The following MPDZ variants were observed in gnomAD, a reference collection of about 807,000 sequenced individuals.
MPDZ encodes multiple PDZ domain protein.
In MPDZ, 234 loss-of-function variants were observed where a neutral mutation model predicts 239.1. That is an observed-to-expected ratio of 0.98 (90% CI 0.88 to 1.09). The LOEUF (loss-of-function observed/expected upper bound fraction) is 1.09. Among genes scored for constraint, MPDZ ranks in the 50% least tolerant of loss-of-function variants. The probability of loss-of-function intolerance (pLI) is 0.00; values close to 1 mark genes in which losing one functional copy is unlikely to be tolerated. For synonymous variants in MPDZ, 1,048 were observed against 881.3 expected, an observed-to-expected ratio of 1.19 and a Z score of -3.35; for missense variants, 3,175 against 2,510.0, an observed-to-expected ratio of 1.26 and a Z score of -5.66.
intron 24 of MPDZ, among the ~76,000 whole-genome samples, chr9:13,153,229 G>C (rs1261659286): frequency 6.6e-6 from 1 of 152,058 alleles, no homozygotes; most frequent in African/African-American, 2.4e-5. Context: ...AGACACTGAG[G>C]CACATCTTCC....
At chr9:13,273,486 T>C (rs957424631) in intron 1 of MPDZ, among the ~76,000 whole-genome samples, 5 of 152,296 alleles carry the variant, frequency 3.3e-5, no homozygotes, top group East Asian at 1.9e-4. Context: ...ATTAACAATA[T>C]AGTGAATTGG....
chr9:13,200,230 T>C (rs2135445895), intron 12 of MPDZ, among the ~76,000 whole-genome samples: 1 of 152,108 alleles, frequency 6.6e-6, no homozygotes, highest in Middle Eastern at 3.4e-3. Flanking sequence ...TCTAATTTAC[T>C]AGTGGGCAGT....
At chr9:13,226,045 G>A (rs971267005) in intron 3 of MPDZ, among the ~76,000 whole-genome samples, 1 of 152,008 alleles carries the variant, frequency 6.6e-6, no homozygotes, top group East Asian at 1.9e-4. Context: ...TCGCAAATTT[G>A]CAGCTGACAT....
At chr9:13,199,237 C>T (rs1423745862) in intron 12 of MPDZ, among the ~76,000 whole-genome samples, 1 of 151,962 alleles carries the variant, frequency 6.6e-6, no homozygotes, top group African/African-American at 2.4e-5. Flanking sequence ...TCTTTGTTTA[C>T]ATTTATTCCT....
chr9:13,186,711 C>T (rs573800283), intron 17 of MPDZ, among the ~76,000 whole-genome samples: 52 of 151,332 alleles, frequency 3.4e-4, no homozygotes, highest in Middle Eastern at 3.5e-3. Context: ...AATAATCTTC[C>T]GGTTATTTTT....
rs898553830 is a variant in MPDZ at position 13,135,853 on chromosome 9, C to T, written c.4383+239G>A. ...CCTCAATTTCTTTTCAGAGGCAGAA[C>T]TGATAACTCTTTTCCTACCCTCACT... On this transcript the variant is annotated intron_variant, in intron 31 of 46. Coordinates refer to ENST00000319217, the MANE Select transcript of MPDZ (RefSeq NM_001378778.1). 33 of 331,184 alleles carry T rather than the reference C, an allele frequency of 1.0e-4. No individual in the cohort carries two copies. The Middle Eastern group carries it at 2.4e-3, about 24-fold the overall frequency. 20.5% of individuals were successfully genotyped at this position (331,184 alleles called of 1,614,324 possible).
chr9:13,272,647 G>C (rs1973253715), intron 1 of MPDZ, among the ~76,000 whole-genome samples: 1 of 147,024 alleles, frequency 6.8e-6, no homozygotes, highest in African/African-American at 2.5e-5. Flanking sequence ...CACCTGACCT[G>C]AGGTCAGGCG....
Position 13,206,092 on chromosome 9 carries a change from C to T in MPDZ, c.1298G>A (p.Gly433Asp), listed in dbSNP as rs1426221014. 2 of 1,596,892 alleles carry T rather than the reference C, an allele frequency of 1.3e-6. No homozygotes were observed. The highest frequency in any genetic ancestry group is 2.7e-5 in the African/African-American group (2 of 73,090). ...ATTAGTAAAACCCTGAAGGTTTGTG[C>T]CATCTACCTGTGATTAAAAAAAAAA... ...QIGDQIIAVD[G>D]TNLQGFTNQQ... is the part of the protein sequence containing the mutation. The change falls in exon 11 of 47, where the codon GGC becomes GAC. Residue 433 changes from glycine to aspartate, a missense_variant. Coordinates refer to ENST00000319217, the MANE Select transcript of MPDZ (RefSeq NM_001378778.1).
intron 28 of MPDZ, among the ~76,000 whole-genome samples, chr9:13,139,374 T>C (rs1490829518): frequency 3.9e-5 from 6 of 152,184 alleles, no homozygotes; most frequent in Non-Finnish European, 7.4e-5. Context: ...AGACTCCCTA[T>C]TGGTCCTAAT....
chr9:13,135,853 C>G, intron 31 of MPDZ: 1 of 331,304 alleles, frequency 3.0e-6, no homozygotes, highest in Non-Finnish European at 5.4e-6. Context: ...AGAGGCAGAA[C>G]TGATAACTCT....
chr9:13,159,198 G>C (rs141037792), intron 23 of MPDZ, among the ~76,000 whole-genome samples: 1 of 152,272 alleles, frequency 6.6e-6, no homozygotes, highest in Non-Finnish European at 1.5e-5. Context: ...TTTCTGGCAA[G>C]CAAATGTCCA....
intron 30 of MPDZ, 54 bp downstream of exon 30, chr9:13,136,658 G>T: frequency 8.7e-7 from 1 of 1,146,940 alleles, no homozygotes; most frequent in East Asian, 2.6e-5. Flanking sequence ...AAAGAACTCA[G>T]AGAAGAAATG....
At chr9:13,150,911 A>G (rs1949078728) in intron 24 of MPDZ, among the ~76,000 whole-genome samples, 1 of 152,094 alleles carries the variant, frequency 6.6e-6, no homozygotes, top group Non-Finnish European at 1.5e-5. Flanking sequence ...AGTATCTGCT[A>G]ATAACATATC....
chr9:13,161,604 G>A lies in MPDZ; in HGVS notation c.3359+1087C>T, dbSNP rs189457762. ...AAAAAGAATTGTAGAACTCTCTTCT[G>A]AGAAGACCTCAGAGTGCTTGCAAGG... On this transcript the variant is annotated intron_variant, in intron 23 of 46. Coordinates refer to ENST00000319217, the MANE Select transcript of MPDZ (RefSeq NM_001378778.1). 2.3e-4 allele frequency among the ~76,000 whole-genome samples: 35 copies of A among 152,156 alleles called. 1 individual carries two copies. Among genetic ancestry groups the A allele is most frequent in the African/African-American group, 8.2e-4 (34 of 41,524 alleles).
chr9:13,179,263 G>A (rs951603745), intron 19 of MPDZ, among the ~76,000 whole-genome samples: 2 of 151,968 alleles, frequency 1.3e-5, no homozygotes, highest in African/African-American at 4.8e-5. Flanking sequence ...TTTATTCTTA[G>A]GAAAAATAAT....
chr9:13,215,335 A>G (rs1031178248), intron 10 of MPDZ, among the ~76,000 whole-genome samples: 3 of 151,636 alleles, frequency 2.0e-5, no homozygotes, highest in African/African-American at 2.4e-5. Flanking sequence ...GGATATATAT[A>G]TATCACATTT....
chr9:13,121,866 G>C lies in MPDZ; in HGVS notation c.5104C>G (p.Gln1702Glu), dbSNP rs765088740. Residue 1702 changes from glutamine (Q) to glutamate (E), a missense_variant, in exon 38 of 47, where the codon CAG becomes GAG. Gln to Glu is a conservative substitution (Grantham distance 29). Transcript: ENST00000319217. ...EAINVLRQTPQRVRLTLYRDE... is the reference protein window; with the variant it reads ...EAINVLRQTPERVRLTLYRDE... ...CTGTAGAGTGTCAGGCGCACTCTCT[G>C]TGGCGTCTGTCTCAGGACATTGATT... 6.2e-7 allele frequency: 1 copy of C among 1,613,828 alleles called. No homozygotes were observed. Among genetic ancestry groups the C allele is most frequent in the East Asian group, 2.2e-5 (1 of 44,866 alleles).
At chr9:13,218,049 T>C (rs1050393246) in intron 8 of MPDZ, among the ~76,000 whole-genome samples, 1 of 151,848 alleles carries the variant, frequency 6.6e-6, no homozygotes, top group South Asian at 2.1e-4. Context: ...CAGAGAACCT[T>C]AAGAAGAGCA....
chr9:13,183,619 C>G, intron 18 of MPDZ, 34 bp from the exon 19 acceptor site: 1 of 1,601,548 alleles, frequency 6.2e-7, no homozygotes, highest in East Asian at 2.2e-5. Flanking sequence ...GTTGGGAATT[C>G]TGTTCTATTA....
Sources: allele counts gnomAD v4.1 joint callset (sites outside exome capture counted in the v4.1 genomes callset), GRCh38; gene constraint gnomAD v4.1.1; transcripts MANE v1.5; gene names NCBI Gene and HGNC (gene_info 2026-07-23, HGNC 2026-07-21).